The following SHISA9 variants were observed in gnomAD, a reference collection of about 807,000 sequenced individuals.
SHISA9 encodes shisa family member 9, also known as protein shisa-9.
A neutral mutation model predicts 38.0 loss-of-function variants in SHISA9; 13 were observed. The observed-to-expected ratio is 0.34, with a 90% CI of 0.22 to 0.54. The LOEUF is 0.54. Among genes scored for constraint, SHISA9 ranks in the 20% least tolerant of loss-of-function variants. SHISA9 has a pLI of 0.91. For synonymous variants in SHISA9, 275 were observed against 242.0 expected (o/e 1.14, Z -1.27); for missense variants, 538 against 575.8 (o/e 0.93, Z 0.67).
rs113879531 is a variant in SHISA9 at position 12,950,770 on chromosome 16, AT to A, written c.691+33966del. On this transcript the variant is annotated intron_variant, in intron 2 of 4. Coordinates refer to ENST00000558583, the MANE Select transcript of SHISA9 (RefSeq NM_001145204.3). ...ATTATTAGCTACCACGGCTGGCTAA[AT>A]TTTTTTTTTTGTATTTTTAGTAGAG... is the stretch of plus-strand genomic sequence containing the variant. 2.6e-3 allele frequency among the ~76,000 whole-genome samples: 379 copies of A among 146,658 alleles called. 6 individuals are homozygous for A. In the South Asian group the frequency reaches 0.046, roughly 18 times the overall value.
At chr16:13,386,136 C>T in the SHISA9 span, among the ~76,000 whole-genome samples, 5 of 151,978 alleles carry the variant, frequency 3.3e-5, no homozygotes, top group African/African-American at 1.2e-4. Context: ...CAAATGAGTA[C>T]AAGTAAAATG....
chr16:12,989,122 A>C (rs1212669280), intron 2 of SHISA9, among the ~76,000 whole-genome samples: 1 of 152,194 alleles, frequency 6.6e-6, no homozygotes, highest in Non-Finnish European at 1.5e-5. Context: ...TTATAGAACC[A>C]GTAGATGCTT....
At chr16:13,393,560 G>A in the SHISA9 span, among the ~76,000 whole-genome samples, 1 of 152,214 alleles carries the variant, frequency 6.6e-6, no homozygotes. Context: ...TGGCAGACGG[G>A]CACTGTGTCA....
At chr16:13,028,264 A>G (rs912812224) in intron 2 of SHISA9, among the ~76,000 whole-genome samples, 2 of 152,120 alleles carry the variant, frequency 1.3e-5, no homozygotes, top group Non-Finnish European at 2.9e-5. Flanking sequence ...ATTGGGTTCT[A>G]TTTATCTCTA....
the SHISA9 span, among the ~76,000 whole-genome samples, chr16:13,247,920 A>C: frequency 6.6e-6 from 1 of 152,184 alleles, no homozygotes; most frequent in Admixed American, 6.5e-5. Flanking sequence ...AAATGGGAAG[A>C]CTCTAAAGAG....
At chr16:13,542,245 T>C in the SHISA9 span, among the ~76,000 whole-genome samples, 1 of 152,160 alleles carries the variant, frequency 6.6e-6, no homozygotes. Context: ...TGAGATAATG[T>C]ATATCTATTG....
At chr16:13,138,677 C>G (rs904935500) in intron 2 of SHISA9, among the ~76,000 whole-genome samples, 1 of 152,190 alleles carries the variant, frequency 6.6e-6, no homozygotes, top group African/African-American at 2.4e-5. Context: ...CAAGGGGAGT[C>G]TTTGAGCCGT....
intron 2 of SHISA9, among the ~76,000 whole-genome samples, chr16:13,087,952 T>C (rs1414055080): frequency 2.0e-5 from 3 of 152,232 alleles, no homozygotes; most frequent in Non-Finnish European, 4.4e-5. Flanking sequence ...TTTATGGTTT[T>C]AGGTCTAACA....
At chr16:12,974,401 C>T (rs2072126852) in intron 2 of SHISA9, among the ~76,000 whole-genome samples, 1 of 150,492 alleles carries the variant, frequency 6.6e-6, no homozygotes. Flanking sequence ...TCCCTAAAAA[C>T]ACAGACTATA....
chr16:12,970,371 A>G (rs1346042073), intron 2 of SHISA9, among the ~76,000 whole-genome samples: 4 of 81,178 alleles, frequency 4.9e-5, no homozygotes, highest in Non-Finnish European at 6.7e-5. Flanking sequence ...ATATATATAC[A>G]TATATATATA....
the SHISA9 span, among the ~76,000 whole-genome samples, chr16:13,535,301 A>C: frequency 1.3e-5 from 2 of 152,192 alleles, no homozygotes; most frequent in Non-Finnish European, 2.9e-5. Flanking sequence ...TCCTAAGTCA[A>C]AATCTTCATG....
the SHISA9 span, among the ~76,000 whole-genome samples, chr16:13,491,854 TTTTTA>T: frequency 1.8e-5 from 2 of 113,346 alleles, no homozygotes; most frequent in Non-Finnish European, 3.6e-5. Context: ...TTTTTTTTTT[TTTTTA>T]GAGATAGGGG....
At chr16:12,931,137 T>G (rs920838681) in intron 2 of SHISA9, among the ~76,000 whole-genome samples, 27 of 152,168 alleles carry the variant, frequency 1.8e-4, no homozygotes, top group Non-Finnish European at 2.9e-4. Context: ...AGGATAACTT[T>G]TAGTAAAAGT....
chr16:12,968,838 T>G (rs1042339463), intron 2 of SHISA9, among the ~76,000 whole-genome samples: 4 of 151,968 alleles, frequency 2.6e-5, no homozygotes, highest in Non-Finnish European at 4.4e-5. Flanking sequence ...AATGAGTGAG[T>G]GTGGCTGTGT....
chr16:12,914,326 G>A (rs568884949), intron 1 of SHISA9, among the ~76,000 whole-genome samples: 6 of 151,876 alleles, frequency 4.0e-5, no homozygotes, highest in Non-Finnish European at 5.9e-5. Flanking sequence ...TTACAGGCGT[G>A]AGCCACCGTG....
chr16:13,422,254 G>A, the SHISA9 span, among the ~76,000 whole-genome samples: 1 of 152,182 alleles, frequency 6.6e-6, no homozygotes, highest in Non-Finnish European at 1.5e-5. Flanking sequence ...GCACAAAGTA[G>A]CAAATATGTT....
intron 2 of SHISA9, among the ~76,000 whole-genome samples, chr16:13,013,931 A>G (rs753299774): frequency 9.2e-5 from 14 of 152,184 alleles, no homozygotes; most frequent in Admixed American, 7.8e-4. Context: ...GGGTTTCACC[A>G]TGTTAGCCAG....
the SHISA9 span, among the ~76,000 whole-genome samples, chr16:13,507,715 A>G: frequency 3.3e-5 from 5 of 152,164 alleles, no homozygotes; most frequent in African/African-American, 1.2e-4. Context: ...AGTTGTACAG[A>G]GACTGCCAGC....
chr16:13,286,269 C>T, the SHISA9 span, among the ~76,000 whole-genome samples: 4 of 152,106 alleles, frequency 2.6e-5, no homozygotes, highest in African/African-American at 9.7e-5. Context: ...TAGGCAGGAC[C>T]CCCTGAGGCT....
Sources: allele counts gnomAD v4.1 joint callset (sites outside exome capture counted in the v4.1 genomes callset), GRCh38; gene constraint gnomAD v4.1.1; transcripts MANE v1.5; gene names NCBI Gene and HGNC (gene_info 2026-07-23, HGNC 2026-07-21).